The following RNLS variants were observed in gnomAD, a reference collection of about 807,000 sequenced individuals.
RNLS encodes renalase, FAD dependent amine oxidase.
In RNLS, 39 loss-of-function variants were observed where a neutral mutation model predicts 39.8. The observed-to-expected ratio is 0.98, with a 90% CI of 0.76 to 1.28. The LOEUF is 1.28. Ranked by LOEUF, RNLS falls within the 50% of genes most tolerant of loss-of-function variation. The pLI is 0.00. For missense variants in RNLS, 410 were observed against 413.3 expected (o/e 0.99, Z 0.07); for synonymous variants, 147 against 150.7 (o/e 0.98, Z 0.18).
chr10:88,210,242 T>C, the RNLS span, among the ~76,000 whole-genome samples: 29 of 152,218 alleles, frequency 1.9e-4, no homozygotes, highest in African/African-American at 7.0e-4. Context: ...TTCCATTTCA[T>C]ACAGAGTTTA....
At chr10:88,320,408 C>T (rs1217067758) in intron 5 of RNLS, among the ~76,000 whole-genome samples, 1 of 150,896 alleles carries the variant, frequency 6.6e-6, no homozygotes, top group Non-Finnish European at 1.5e-5. Flanking sequence ...AAGTAACTAG[C>T]TAACAACACT....
At chr10:88,456,534 C>T (rs946646622) in intron 4 of RNLS, among the ~76,000 whole-genome samples, 2 of 152,076 alleles carry the variant, frequency 1.3e-5, no homozygotes, top group Non-Finnish European at 2.9e-5. Context: ...AAGAGCAGAG[C>T]TGAGAATAGA....
chr10:88,449,777 CTAG>C (rs1381877851), intron 4 of RNLS, among the ~76,000 whole-genome samples: 1 of 152,028 alleles, frequency 6.6e-6, no homozygotes, highest in African/African-American at 2.4e-5. Context: ...GCATGAGCTT[CTAG>C]TATAGCAAAA....
intron 4 of RNLS, among the ~76,000 whole-genome samples, chr10:88,371,415 G>A (rs1850550048): frequency 6.6e-6 from 1 of 152,068 alleles, no homozygotes; most frequent in South Asian, 2.1e-4. Flanking sequence ...AAACTGCACG[G>A]CTACACTTCA....
intron 4 of RNLS, among the ~76,000 whole-genome samples, chr10:88,438,320 G>A (rs1418990712): frequency 6.6e-6 from 1 of 152,108 alleles, no homozygotes; most frequent in East Asian, 1.9e-4. Flanking sequence ...TGACTTTATT[G>A]AGCTGCTGAT....
intron 4 of RNLS, among the ~76,000 whole-genome samples, chr10:88,377,934 AT>A (rs1851151478): frequency 6.6e-6 from 1 of 151,236 alleles, no homozygotes; most frequent in East Asian, 1.9e-4. Flanking sequence ...GTACGAAAAT[AT>A]TTTCTTTATA....
At chr10:88,301,926 A>C (rs1844560077) in intron 6 of RNLS, among the ~76,000 whole-genome samples, 1 of 152,238 alleles carries the variant, frequency 6.6e-6, no homozygotes, top group Admixed American at 6.5e-5. Flanking sequence ...AGCAACGAAC[A>C]CAGAGCTAAG....
At chr10:88,177,397 T>G in the RNLS span, among the ~76,000 whole-genome samples, 1 of 152,220 alleles carries the variant, frequency 6.6e-6, no homozygotes, top group Admixed American at 6.5e-5. Context: ...TTTATTTCAT[T>G]AATTAAATTC....
chr10:88,295,405 G>A (rs1199445648), intron 6 of RNLS, among the ~76,000 whole-genome samples: 3 of 152,058 alleles, frequency 2.0e-5, no homozygotes, highest in African/African-American at 7.2e-5. Flanking sequence ...TGCAGAGATG[G>A]TACATTTTTA....
At chr10:88,528,045 A>G (rs150314433) in intron 4 of RNLS, among the ~76,000 whole-genome samples, 1,735 of 152,122 alleles carry the variant, frequency 0.011, 26 homozygotes, top group African/African-American at 0.04. Flanking sequence ...AGAAGAGTTA[A>G]TAAAATGTGA....
intron 5 of RNLS, among the ~76,000 whole-genome samples, chr10:88,339,123 T>A (rs1847741997): frequency 6.6e-6 from 1 of 152,168 alleles, no homozygotes; most frequent in African/African-American, 2.4e-5. Flanking sequence ...TGGTGGTGGC[T>A]GTGGAATGTG....
At chr10:88,262,793 A>G in the RNLS span, among the ~76,000 whole-genome samples, 1 of 152,196 alleles carries the variant, frequency 6.6e-6, no homozygotes, top group African/African-American at 2.4e-5. Context: ...TGCACTATTC[A>G]GAGGTGCCAG....
the RNLS span, among the ~76,000 whole-genome samples, chr10:88,215,041 A>G: frequency 3.2e-3 from 494 of 152,200 alleles, 10 homozygotes; most frequent in Admixed American, 0.03. Context: ...AGGCCTATCT[A>G]TGGTAATTAT....
chr10:88,193,604 CT>C, the RNLS span, among the ~76,000 whole-genome samples: 20 of 152,276 alleles, frequency 1.3e-4, no homozygotes, highest in South Asian at 3.3e-3. Context: ...ATCACATATG[CT>C]TCCCTGATCC....
chr10:88,559,662 CTCAT>C (rs3033889), intron 4 of RNLS, among the ~76,000 whole-genome samples: 92 of 151,188 alleles, frequency 6.1e-4, no homozygotes, highest in African/African-American at 2.1e-3. Context: ...GATTGTTTCA[CTCAT>C]TCATTCATTC....
intron 4 of RNLS, among the ~76,000 whole-genome samples, chr10:88,508,905 ACT>A (rs1306587332): frequency 6.6e-6 from 1 of 150,820 alleles, no homozygotes; most frequent in Non-Finnish European, 1.5e-5. Context: ...ATTTACTATC[ACT>A]CTCCACCCAT....
chr10:88,568,850 G>T lies in RNLS; in HGVS notation c.526+4053C>A, dbSNP rs777567126. Among the ~76,000 whole-genome samples, 121 of 152,076 alleles carry T rather than the reference G, an allele frequency of 8.0e-4. 1 individual carries two copies. Among genetic ancestry groups the T allele is most frequent in the Non-Finnish European group, 1.6e-3 (112 of 68,026 alleles). Reference sequence around the variant, plus strand: ...TCCAGAAACAAGTAGATTTGCTAAGGCACGGTATTAATAATAATTCTCACA... The same window carrying T: ...TCCAGAAACAAGTAGATTTGCTAAGTCACGGTATTAATAATAATTCTCACA... On this transcript the variant is annotated intron_variant, in intron 4 of 6. Coordinates refer to ENST00000331772, the MANE Select transcript of RNLS (RefSeq NM_001031709.3).
At chr10:88,245,883 A>G in the RNLS span, among the ~76,000 whole-genome samples, 1 of 152,148 alleles carries the variant, frequency 6.6e-6, no homozygotes, top group Non-Finnish European at 1.5e-5. Context: ...CTCGAATCCC[A>G]CCATCCTGAT....
intron 5 of RNLS, among the ~76,000 whole-genome samples, chr10:88,316,138 A>G (rs1845752183): frequency 6.6e-6 from 1 of 152,200 alleles, no homozygotes; most frequent in African/African-American, 2.4e-5. Context: ...ATACGAGGTG[A>G]GGGACCTGAA....
Sources: allele counts gnomAD v4.1 joint callset (sites outside exome capture counted in the v4.1 genomes callset), GRCh38; gene constraint gnomAD v4.1.1; transcripts MANE v1.5; gene names NCBI Gene and HGNC (gene_info 2026-07-23, HGNC 2026-07-21).